LATS1: variants seen among roughly 807,000 people sequenced by gnomAD.
The protein encoded by LATS1 is large tumor suppressor kinase 1, also known as serine/threonine-protein kinase LATS1.
In LATS1, 25 loss-of-function variants were observed where a neutral mutation model predicts 106.6. The ratio of observed to expected loss-of-function variants is 0.23; its 90% CI spans 0.17 to 0.33. The LOEUF (loss-of-function observed/expected upper bound fraction) is 0.33. LATS1 is among the 10% of genes least tolerant of loss of function. LATS1 has a pLI of 1.00. For synonymous variants in LATS1, 465 were observed against 455.6 expected (o/e 1.02, Z -0.26); for missense variants, 1,040 against 1,382.6 (o/e 0.75, Z 3.93).
chr6:149,682,913 C>G (rs1782134519), intron 4 of LATS1, 166 bp downstream of exon 4: 1 of 588,254 alleles, frequency 1.7e-6, no homozygotes, highest in South Asian at 3.1e-5. Flanking sequence ...AAATAAAATG[C>G]TACAATCAAA....
chr6:149,688,970 C>T (rs952208422), intron 3 of LATS1, among the ~76,000 whole-genome samples: 12 of 151,994 alleles, frequency 7.9e-5, no homozygotes, highest in African/African-American at 2.9e-4. Context: ...GAGTTCAAGA[C>T]CAGCCTGGCC....
In LATS1 at chr6:149,658,358, G is replaced by A. The variant is rs1780774443; in HGVS notation, c.*3371C>T. The A allele has an allele frequency of 6.6e-6, 1 of 152,094 alleles. No homozygotes were observed. Among genetic ancestry groups the A allele is most frequent in the Non-Finnish European group, 1.5e-5 (1 of 67,998 alleles). The allele number at this position is 152,094 out of a possible 1,614,324, so 9.4% of individuals were successfully genotyped here. ...TTTATAAAACTTTAATGTTGCCACT[G>A]ATTCAATTTTAATACAAAATACTTA... On this transcript the variant is annotated 3_prime_UTR_variant, in exon 8 of 8. Coordinates refer to ENST00000543571, the MANE Select transcript of LATS1 (RefSeq NM_004690.4).
rs1374694208 is a variant in LATS1, at chr6:149,717,933, C to T, written c.-225G>A. 2.2e-5 allele frequency: 8 copies of T among 361,764 alleles called. No individual in the cohort carries two copies. Among genetic ancestry groups the T allele is most frequent in the South Asian group, 1.5e-4 (8 of 53,020 alleles). 22.4% of individuals were successfully genotyped at this position (361,764 alleles called of 1,614,324 possible). On this transcript the variant is annotated 5_prime_UTR_variant, in exon 1 of 8. Coordinates refer to ENST00000543571, the MANE Select transcript of LATS1 (RefSeq NM_004690.4). Reference sequence around the variant, plus strand: ...CGGCCAGAGTCCGTCCCAGCAACCCCAAGTATCCCTGGTGGGGCAGAGCGG... The same window carrying T: ...CGGCCAGAGTCCGTCCCAGCAACCCTAAGTATCCCTGGTGGGGCAGAGCGG...
In LATS1 at chr6:149,659,591, A is replaced by G. The variant is rs9767105; in HGVS notation, c.*2138T>C. On this transcript the variant is annotated 3_prime_UTR_variant, in exon 8 of 8. Transcript: ENST00000543571. ...AGTTTTCCTACAACATAAATGTAAC[A>G]AAGTTATCTTCTACTGTATTGCACC... 0.42 allele frequency: 96,179 copies of G among 230,660 alleles called. 21,740 individuals are homozygous for G. The highest frequency in any genetic ancestry group is 0.76 in the East Asian group (12,377 of 16,240). 14.3% of individuals were successfully genotyped at this position (230,660 alleles called of 1,614,324 possible).
intron 1 of LATS1, chr6:149,716,087 C>T (rs973359064): frequency 6.0e-5 from 9 of 150,810 alleles, no homozygotes; most frequent in African/African-American, 2.2e-4. Context: ...ATCAAAAATA[C>T]AAACATCAAC....
At position 149,660,163 on chromosome 6, in the gene LATS1, T is replaced by G; in HGVS notation, c.*1566A>C. 4.3e-6 allele frequency: 1 copy of G among 232,670 alleles called. No homozygotes were observed. The highest frequency in any genetic ancestry group is 5.6e-5 in the Admixed American group (1 of 17,770). The allele number at this position is 232,670 out of a possible 1,614,324, so 14.4% of individuals were successfully genotyped here. On this transcript the variant is annotated 3_prime_UTR_variant, in exon 8 of 8. Transcript: ENST00000543571. ...GCAACATTGTATGTGTATGTGTGGT[T>G]TTTTTTTCTAGGAAGAGTCCACAGC...
intron 2 of LATS1, chr6:149,697,043 G>A (rs1783133208): frequency 2.7e-6 from 2 of 734,250 alleles, no homozygotes; most frequent in Non-Finnish European, 4.2e-6. Context: ...TCACTATCAT[G>A]CAGAAAGTAT....
chr6:149,669,604 T>C (rs1019509700), intron 7 of LATS1, among the ~76,000 whole-genome samples: 1 of 151,092 alleles, frequency 6.6e-6, no homozygotes, highest in Non-Finnish European at 1.5e-5. Context: ...TACAAAATAA[T>C]AATAAAATTA....
At chr6:149,665,160 G>A (rs758627276) in intron 7 of LATS1, among the ~76,000 whole-genome samples, 3 of 152,228 alleles carry the variant, frequency 2.0e-5, no homozygotes, top group East Asian at 3.9e-4. Flanking sequence ...TCAGGAGTTC[G>A]AGACCAGCTT....
rs1275263079 is a variant in LATS1 at position 149,659,119 on chromosome 6, T to C, written c.*2610A>G. 6.2e-6 allele frequency: 1 copy of C among 162,142 alleles called. No individual in the cohort carries two copies. The highest frequency in any genetic ancestry group is 1.4e-5 in the Non-Finnish European group (1 of 73,876). The allele number at this position is 162,142 out of a possible 1,614,324, so 10.0% of individuals were successfully genotyped here. ...TAAAATTGCTGATACCAAAGGCATG[T>C]ATACTGCTTCAGATAAATGCAAAAA... On this transcript the variant is annotated 3_prime_UTR_variant, in exon 8 of 8. Transcript: ENST00000543571.
intron 1 of LATS1, among the ~76,000 whole-genome samples, chr6:149,707,734 T>C (rs1284022691): frequency 6.6e-6 from 1 of 152,226 alleles, no homozygotes; most frequent in African/African-American, 2.4e-5. Context: ...ATAAAATAAA[T>C]AATGTCTGGA....
intron 2 of LATS1, among the ~76,000 whole-genome samples, chr6:149,696,006 A>C (rs1783042616): frequency 6.6e-6 from 1 of 151,668 alleles, no homozygotes; most frequent in Non-Finnish European, 1.5e-5. Flanking sequence ...CCTGGGCTCA[A>C]GCGATTCTCC....
intron 3 of LATS1, among the ~76,000 whole-genome samples, chr6:149,688,265 A>T (rs1782521177): frequency 6.6e-6 from 1 of 151,766 alleles, no homozygotes; most frequent in South Asian, 2.1e-4. Flanking sequence ...TTTCTCTGAG[A>T]TCACCTCCTT....
chr6:149,672,584 G>A (rs963514632), intron 7 of LATS1, among the ~76,000 whole-genome samples: 15 of 151,998 alleles, frequency 9.9e-5, no homozygotes, highest in Admixed American at 2.0e-4. Context: ...TTTTATGTCA[G>A]AGGAGCTATT....
chr6:149,714,404 T>C (rs1257321640), intron 1 of LATS1, among the ~76,000 whole-genome samples: 1 of 152,178 alleles, frequency 6.6e-6, no homozygotes, highest in African/African-American at 2.4e-5. Flanking sequence ...GTCCACAAAA[T>C]GTTCTGAAAG....
At position 149,661,744 on chromosome 6, in the gene LATS1, A is replaced by G; in HGVS notation, c.3378T>C (p.Asp1126=). ...QNTGSEIKNR[D]LVYV is the part of the protein sequence containing the mutation. ...TACTAGTGTGTTAAACATATACTAG[A>G]TCGCGATTTTTAATCTCTGAGCCTG... The change falls in exon 8 of 8, where the codon GAT becomes GAC. Residue 1126 remains aspartate, a synonymous_variant. Transcript: ENST00000543571. The G allele has an allele frequency of 6.4e-7, 1 of 1,564,326 alleles. No homozygotes were observed. The highest frequency in any genetic ancestry group is 8.6e-7 in the Non-Finnish European group (1 of 1,158,656).
rs1780841427 is a variant in LATS1, at chr6:149,660,360, T to C, written c.*1369A>G. ...CAACTGCAACAGCTCTGCCTTTAAT[T>C]TTACTACATATACGGTTTCAATTAG... On this transcript the variant is annotated 3_prime_UTR_variant, in exon 8 of 8. Coordinates refer to ENST00000543571, the MANE Select transcript of LATS1 (RefSeq NM_004690.4). The C allele has an allele frequency of 4.3e-6, 1 of 233,120 alleles. No individual in the cohort carries two copies. The highest frequency in any genetic ancestry group is 6.1e-5 in the East Asian group (1 of 16,522). 14.4% of individuals were successfully genotyped at this position (233,120 alleles called of 1,614,324 possible).
At chr6:149,676,935 T>C (rs1781756765) in intron 5 of LATS1, among the ~76,000 whole-genome samples, 198 bp from the exon 6 acceptor site, 1 of 152,172 alleles carries the variant, frequency 6.6e-6, no homozygotes, top group Admixed American at 6.6e-5. Flanking sequence ...GGAAGGATTT[T>C]ACACTTAAAA....
rs370464446 is a variant in LATS1, at chr6:149,701,774, C to T, written c.348+5G>A. ...ATCCTTTCTTTTGTCTTTAAACATT[C>T]TTACCTCATCAAATCCAGCAGCTTG... On this transcript the variant is annotated splice_donor_5th_base_variant and intron_variant, in intron 2 of 7. Coordinates refer to ENST00000543571, the MANE Select transcript of LATS1 (RefSeq NM_004690.4). The T allele has an allele frequency of 1.8e-5, 29 of 1,598,314 alleles. No individual in the cohort carries two copies. In the African/African-American group the frequency reaches 3.8e-4, roughly 21 times the overall value.
Sources: allele counts gnomAD v4.1 joint callset (sites outside exome capture counted in the v4.1 genomes callset), GRCh38; gene constraint gnomAD v4.1.1; transcripts MANE v1.5; gene names NCBI Gene and HGNC (gene_info 2026-07-23, HGNC 2026-07-21).